Variants in PTK2 observed in about 807,000 individuals in gnomAD.
The protein encoded by PTK2 is protein tyrosine kinase 2.
A neutral mutation model predicts 150.1 loss-of-function variants in PTK2; 45 were observed. That is an observed-to-expected ratio of 0.30 (90% confidence interval 0.24 to 0.38). The LOEUF (loss-of-function observed/expected upper bound fraction) is 0.38. PTK2 is among the 10% of genes least tolerant of loss of function. The probability of loss-of-function intolerance (pLI) is 1.00; values close to 1 mark genes in which losing one functional copy is unlikely to be tolerated. For synonymous variants in PTK2, 432 were observed against 449.2 expected, an observed-to-expected ratio of 0.96 and a Z score of 0.48; for missense variants, 919 against 1,307.3, an observed-to-expected ratio of 0.70 and a Z score of 4.58.
intron 1 of PTK2, among the ~76,000 whole-genome samples, chr8:140,988,654 G>A (rs1047606142): frequency 2.7e-5 from 4 of 150,940 alleles, no homozygotes; most frequent in South Asian, 2.1e-4. Flanking sequence ...GCGTGAACCC[G>A]GGAGGCGGAG....
intron 4 of PTK2, among the ~76,000 whole-genome samples, chr8:140,878,146 T>A (rs1351770652): frequency 6.6e-6 from 1 of 152,232 alleles, no homozygotes; most frequent in Non-Finnish European, 1.5e-5. Context: ...ATTGACTAAA[T>A]AGTTGGAAGT....
chr8:140,810,977 G>A (rs896731048), intron 10 of PTK2, among the ~76,000 whole-genome samples: 1 of 152,226 alleles, frequency 6.6e-6, no homozygotes, highest in African/African-American at 2.4e-5. Flanking sequence ...AAACCGTGCT[G>A]CTACTGCCAC....
intron 12 of PTK2, among the ~76,000 whole-genome samples, chr8:140,795,625 G>A (rs919321691): frequency 6.6e-6 from 1 of 151,886 alleles, no homozygotes; most frequent in Non-Finnish European, 1.5e-5. Flanking sequence ...TCTGTTTATC[G>A]CACGTATGTC....
At chr8:140,712,455 T>C (rs2100037363) in intron 23 of PTK2, among the ~76,000 whole-genome samples, 1 of 152,216 alleles carries the variant, frequency 6.6e-6, no homozygotes. Flanking sequence ...TATTGTTTTT[T>C]GATTTGACAC....
intron 1 of PTK2, among the ~76,000 whole-genome samples, chr8:140,943,922 T>C (rs2100176747): frequency 1.3e-5 from 2 of 152,226 alleles, no homozygotes; most frequent in South Asian, 4.1e-4. Context: ...TCATTGAAAT[T>C]TTTATTGAGA....
intron 2 of PTK2, among the ~76,000 whole-genome samples, chr8:140,891,682 GGTGGA>G (rs2100154298): frequency 6.6e-6 from 1 of 152,190 alleles, no homozygotes; most frequent in African/African-American, 2.4e-5. Context: ...GAGAAGGAAG[GGTGGA>G]GACTGTGTCA....
Position 140,879,456 on chromosome 8 carries a change from A to T in PTK2, c.362+15T>A. The T allele has an allele frequency of 6.3e-7, 1 of 1,587,862 alleles. No homozygotes were observed. Among genetic ancestry groups the T allele is most frequent in the East Asian group, 2.3e-5 (1 of 43,554 alleles). On this transcript the variant is annotated intron_variant, in intron 4 of 31. Transcript: ENST00000522684. ...AATCAAGTGTGCATCACACCAAAGC[A>T]GGTTTGTATCTTACTTCCACTCCTC...
chr8:140,838,549 G>A (rs7814508), intron 7 of PTK2, among the ~76,000 whole-genome samples: 39,280 of 151,926 alleles, frequency 0.26, 5,743 homozygotes, highest in Admixed American at 0.38. Context: ...AGCTATTATC[G>A]GGCCAGATAT....
intron 15 of PTK2, chr8:140,764,025 T>C (rs2100070855): frequency 1.7e-6 from 1 of 596,130 alleles, no homozygotes; most frequent in East Asian, 2.6e-5. Flanking sequence ...TAACTAAAAA[T>C]TATTACAGAT....
chr8:141,000,479 G>A (rs1057065972), intron 1 of PTK2, among the ~76,000 whole-genome samples: 1 of 152,274 alleles, frequency 6.6e-6, no homozygotes, highest in Non-Finnish European at 1.5e-5. Flanking sequence ...GGCGAACCCT[G>A]CCGACGTCCC....
intron 26 of PTK2, among the ~76,000 whole-genome samples, chr8:140,694,419 TTA>T (rs2100025220): frequency 6.6e-6 from 1 of 152,196 alleles, no homozygotes; most frequent in Non-Finnish European, 1.5e-5. Context: ...GCTTATATTT[TTA>T]TGTCTTTTTC....
intron 5 of PTK2, among the ~76,000 whole-genome samples, chr8:140,854,431 C>T (rs547412617): frequency 8.7e-4 from 133 of 152,252 alleles, no homozygotes; most frequent in Middle Eastern, 3.4e-3. Flanking sequence ...ATACTTATAA[C>T]TTTAACAAAT....
exon 19 of PTK2, chr8:140,744,716 T>C (rs772759882): frequency 1.2e-6 from 2 of 1,607,058 alleles, no homozygotes; most frequent in South Asian, 1.1e-5. Context: ...GCATACAGGA[T>C]CAAAGATGCT....
chr8:140,705,379 G>T (rs944517511), intron 24 of PTK2, among the ~76,000 whole-genome samples: 1 of 152,128 alleles, frequency 6.6e-6, no homozygotes, highest in Non-Finnish European at 1.5e-5. Flanking sequence ...GCCCTAAAAA[G>T]CACACTCTAT....
intron 1 of PTK2, among the ~76,000 whole-genome samples, chr8:140,979,112 G>T (rs1277587230): frequency 7.7e-6 from 1 of 129,158 alleles, no homozygotes; most frequent in African/African-American, 2.9e-5. Context: ...GCCTGTTGTG[G>T]GGTGGGGGGA....
At chr8:140,658,631 A>G (rs1336131520) in exon 32 of PTK2, 1 of 207,298 alleles carries the variant, frequency 4.8e-6, no homozygotes, top group Non-Finnish European at 9.8e-6. Flanking sequence ...TGGCTGTAAA[A>G]TAGTCAACAT....
intron 1 of PTK2, among the ~76,000 whole-genome samples, chr8:140,966,479 C>G (rs2100185349): frequency 6.6e-6 from 1 of 151,880 alleles, no homozygotes; most frequent in South Asian, 2.1e-4. Context: ...GTTTTAGCAA[C>G]AGGCAATTTA....
intron 27 of PTK2, among the ~76,000 whole-genome samples, chr8:140,681,819 A>T (rs1258810026): frequency 6.6e-6 from 1 of 152,182 alleles, no homozygotes; most frequent in Non-Finnish European, 1.5e-5. Context: ...AGGACTGGGA[A>T]TTGGTGTGAA....
intron 1 of PTK2, among the ~76,000 whole-genome samples, chr8:140,945,693 T>C (rs965938397): frequency 3.9e-5 from 6 of 152,210 alleles, no homozygotes; most frequent in South Asian, 2.1e-4. Context: ...ATTGTCACAA[T>C]TCCCATTTAA....
Sources: gnomAD v4.1 joint callset for allele counts (sites outside exome capture counted in the v4.1 genomes callset) on GRCh38, gnomAD v4.1.1 for gene constraint, MANE v1.5 for transcripts, NCBI Gene and HGNC (gene_info 2026-07-23, HGNC 2026-07-21) for gene names.